OTUD7B: variants seen among roughly 807,000 people sequenced by gnomAD.
OTUD7B encodes OTU domain-containing protein 7B.
Under a neutral mutation model 82.2 loss-of-function variants are expected in OTUD7B, and 34 were observed. The ratio of observed to expected loss-of-function variants is 0.41; its 90% CI spans 0.31 to 0.55. OTUD7B has a LOEUF of 0.55. OTUD7B is among the 20% of genes least tolerant of loss of function. The pLI, the probability that OTUD7B is intolerant of heterozygous loss-of-function variation, is 0.20. For missense variants in OTUD7B, 944 were observed against 1,062.1 expected (o/e 0.89, Z 1.55); for synonymous variants, 398 against 402.7 (o/e 0.99, Z 0.14).
intron 3 of OTUD7B, among the ~76,000 whole-genome samples, chr1:149,967,780 C>T (rs1325106494): frequency 1.3e-5 from 2 of 152,170 alleles, no homozygotes; most frequent in African/African-American, 4.8e-5. Context: ...TGATCTTCCC[C>T]TCCCTCTGAC....
At chr1:150,017,144 G>A in the OTUD7B span, among the ~76,000 whole-genome samples, 1 of 152,186 alleles carries the variant, frequency 6.6e-6, no homozygotes, top group Non-Finnish European at 1.5e-5. Context: ...CAAAAGAGAG[G>A]AGTTTAGTGA....
chr1:150,002,899 A>G (rs1368994849), intron 1 of OTUD7B, among the ~76,000 whole-genome samples: 1 of 152,204 alleles, frequency 6.6e-6, no homozygotes, highest in Non-Finnish European at 1.5e-5. Context: ...CACACCACTG[A>G]CATAATCTTT....
At chr1:150,054,411 T>A in the OTUD7B span, 1 of 536,214 alleles carries the variant, frequency 1.9e-6, no homozygotes. Flanking sequence ...CTCAATCAAG[T>A]TCCTCTACAA....
At chr1:149,958,951 G>A (rs1472864592) in intron 7 of OTUD7B, among the ~76,000 whole-genome samples, 1 of 151,872 alleles carries the variant, frequency 6.6e-6, no homozygotes, top group Non-Finnish European at 1.5e-5. Flanking sequence ...GCCAGGCATG[G>A]TGGCTCATGC....
At chr1:150,055,007 G>T in the OTUD7B span, 1 of 254,918 alleles carries the variant, frequency 3.9e-6, no homozygotes. Flanking sequence ...CCGACAAATG[G>T]AATTTATCCT....
At chr1:150,041,930 T>C in the OTUD7B span, among the ~76,000 whole-genome samples, 1 of 149,660 alleles carries the variant, frequency 6.7e-6, no homozygotes, top group Non-Finnish European at 1.5e-5. Context: ...AAGCTATACA[T>C]CTTCTTTTGA....
the OTUD7B span, among the ~76,000 whole-genome samples, chr1:150,036,228 A>C: frequency 6.8e-6 from 1 of 147,468 alleles, no homozygotes; most frequent in Non-Finnish European, 1.5e-5. Context: ...TGCTGGGATT[A>C]CTGGCAAGAG....
the OTUD7B span, among the ~76,000 whole-genome samples, chr1:150,023,522 G>C: frequency 6.6e-6 from 1 of 152,166 alleles, no homozygotes; most frequent in Non-Finnish European, 1.5e-5. Context: ...TAAGTGAAGT[G>C]AGTCAGGTAC....
At chr1:149,995,473 G>T (rs1202333123) in intron 1 of OTUD7B, among the ~76,000 whole-genome samples, 1 of 152,066 alleles carries the variant, frequency 6.6e-6, no homozygotes, top group East Asian at 1.9e-4. Context: ...CAACTACTAG[G>T]AAGGCTGAGC....
rs587617674 is a variant in OTUD7B at position 149,940,725 on chromosome 1, C to T, written c.*3132G>A. 2 of 152,248 alleles carry T rather than the reference C, an allele frequency of 1.3e-5. No homozygotes were observed. Among genetic ancestry groups the T allele is most frequent in the Admixed American group, 6.5e-5 (1 of 15,292 alleles). The allele number at this position is 152,248 out of a possible 1,614,324, so 9.4% of individuals were successfully genotyped here. A position where few individuals can be genotyped will look rare whatever the true frequency, so the allele number is the denominator to read the frequency against. ...AACTAAGGAATTTTTCTGCCCATTT[C>T]GAGTGCAGGCCATATGCCCCTTCTT... is the stretch of plus-strand genomic sequence containing the variant. On this transcript the variant is annotated 3_prime_UTR_variant, in exon 12 of 12. Transcript: ENST00000581312.
chr1:149,950,977 A>ATTTTTTTT (rs1458504169), intron 7 of OTUD7B, among the ~76,000 whole-genome samples: 2 of 22,412 alleles, frequency 8.9e-5, no homozygotes, highest in Non-Finnish European at 1.7e-4. Context: ...TACTTTTTGT[A>ATTTTTTTT]TTTTTTTTTT....
rs1553770480 is a variant in OTUD7B at position 149,941,860 on chromosome 1, A to G, written c.*1997T>C. ...TGCAACTTAGGGGAGTGCTCATCTC[A>G]TACCAGGTTCCAGACCTGCCTAGAC... On this transcript the variant is annotated 3_prime_UTR_variant, in exon 12 of 12. Transcript: ENST00000581312. 1.3e-5 allele frequency: 2 copies of G among 152,282 alleles called. No homozygotes were observed. The highest frequency in any genetic ancestry group is 1.9e-4 in the East Asian group (1 of 5,182). The allele number at this position is 152,282 out of a possible 1,614,324, so 9.4% of individuals were successfully genotyped here. A position where few individuals can be genotyped will look rare whatever the true frequency, so the allele number is the denominator to read the frequency against.
the OTUD7B span, among the ~76,000 whole-genome samples, chr1:150,050,035 G>A: frequency 6.6e-6 from 1 of 152,020 alleles, no homozygotes; most frequent in Non-Finnish European, 1.5e-5. Context: ...AGAACAGTGA[G>A]ACCCCCATCT....
the OTUD7B span, among the ~76,000 whole-genome samples, chr1:150,061,920 A>G: frequency 1.3e-5 from 2 of 152,178 alleles, no homozygotes; most frequent in African/African-American, 4.8e-5. Flanking sequence ...CTTCCAGATC[A>G]CATATACTTT....
chr1:150,028,520 A>G, the OTUD7B span, among the ~76,000 whole-genome samples: 1 of 152,210 alleles, frequency 6.6e-6, no homozygotes, highest in Non-Finnish European at 1.5e-5. Context: ...ATTGTTGTGC[A>G]ATCATGACCA....
chr1:149,975,678 C>CA (rs782472583), intron 2 of OTUD7B, among the ~76,000 whole-genome samples: 10 of 152,048 alleles, frequency 6.6e-5, no homozygotes, highest in Non-Finnish European at 1.2e-4. Flanking sequence ...CAAGAGGTGA[C>CA]AAGTCAGGCC....
chr1:149,992,035 C>G (rs111424592), intron 1 of OTUD7B, among the ~76,000 whole-genome samples: 3,186 of 152,186 alleles, frequency 0.021, 90 homozygotes, highest in African/African-American at 0.07. Context: ...CGAGACCATC[C>G]TAGCCAACAT....
At chr1:149,964,392 C>T in intron 5 of OTUD7B, 43 bp from the exon 6 acceptor site, 1 of 1,592,856 alleles carries the variant, frequency 6.3e-7, no homozygotes, top group Non-Finnish European at 8.6e-7. Context: ...CAGCTTGACT[C>T]TGCTAATTTT....
At chr1:150,062,550 C>T in the OTUD7B span, among the ~76,000 whole-genome samples, 1 of 152,128 alleles carries the variant, frequency 6.6e-6, no homozygotes, top group Non-Finnish European at 1.5e-5. Context: ...CTCTCTTAAA[C>T]AAAAGCACAT....
Sources: allele counts gnomAD v4.1 joint callset (sites outside exome capture counted in the v4.1 genomes callset), GRCh38; gene constraint gnomAD v4.1.1; transcripts MANE v1.5; gene names NCBI Gene and HGNC (gene_info 2026-07-23, HGNC 2026-07-21).